PCDHA1: variants seen among roughly 807,000 people sequenced by gnomAD.
PCDHA1 encodes the protein protocadherin alpha 1, also known as protocadherin alpha-1.
In PCDHA1, 42 loss-of-function variants were observed where a neutral mutation model predicts 61.3. The ratio of observed to expected loss-of-function variants is 0.69; its 90% CI spans 0.54 to 0.89. The LOEUF is 0.89. Ranked by LOEUF, PCDHA1 falls within the 40% of genes least tolerant of loss-of-function variation. PCDHA1 has a pLI of 0.00. For missense variants in PCDHA1, 1,256 were observed against 1,235.3 expected (o/e 1.02, Z -0.25); for synonymous variants, 610 against 553.8 (o/e 1.10, Z -1.43).
chr5:140,926,953 C>T, intron 1 of PCDHA1: 1 of 1,596,706 alleles, frequency 6.3e-7, no homozygotes, highest in Non-Finnish European at 8.6e-7. Flanking sequence ...TGCAGCGGGA[C>T]AGCTCGAGTA....
At chr5:140,808,938 C>A (rs782653809) in intron 1 of PCDHA1, 1 of 1,613,692 alleles carries the variant, frequency 6.2e-7, no homozygotes, top group South Asian at 1.1e-5. Flanking sequence ...GTGCCATGGT[C>A]GGTGGGTGTG....
intron 1 of PCDHA1, chr5:140,852,195 C>T (rs2150513188): frequency 8.5e-6 from 6 of 709,164 alleles, no homozygotes; most frequent in African/African-American, 1.9e-5. Flanking sequence ...ATGCCAGTAA[C>T]GTTTATTTAA....
intron 1 of PCDHA1, among the ~76,000 whole-genome samples, chr5:140,886,716 C>T (rs1160663504): frequency 1.3e-5 from 2 of 151,034 alleles, no homozygotes; most frequent in Non-Finnish European, 2.9e-5. Flanking sequence ...ATCCCAGCTA[C>T]TTGGGAGGCT....
At chr5:140,829,189 T>A in intron 1 of PCDHA1, 1 of 1,614,208 alleles carries the variant, frequency 6.2e-7, no homozygotes, top group Non-Finnish European at 8.5e-7. Flanking sequence ...CTCAATTTGG[T>A]ACTGTCATCG....
intron 1 of PCDHA1, among the ~76,000 whole-genome samples, chr5:140,952,338 CAAAA>C (rs55931446): frequency 9.9e-4 from 134 of 134,976 alleles, no homozygotes; most frequent in Admixed American, 2.2e-3. Context: ...AACTCCATCT[CAAAA>C]AAAAAAAAAA....
chr5:140,856,112 G>A (rs782115498), intron 1 of PCDHA1: 1 of 1,598,078 alleles, frequency 6.3e-7, no homozygotes, highest in African/African-American at 1.3e-5. Flanking sequence ...TCTCCTCGCA[G>A]CCTGGGAGGT....
At chr5:140,816,136 A>C (rs1554126988) in intron 1 of PCDHA1, 1 of 152,158 alleles carries the variant, frequency 6.6e-6, no homozygotes, top group Non-Finnish European at 1.5e-5. Flanking sequence ...TGTCATAATG[A>C]GTAGAGCAGC....
intron 1 of PCDHA1, among the ~76,000 whole-genome samples, chr5:140,891,471 C>T (rs1239816606): frequency 6.6e-6 from 1 of 151,474 alleles, no homozygotes; most frequent in Non-Finnish European, 1.5e-5. Flanking sequence ...GAATTAATGC[C>T]TTTACATCAC....
chr5:140,852,738 C>A, intron 1 of PCDHA1: 1 of 983,624 alleles, frequency 1.0e-6, no homozygotes, highest in Non-Finnish European at 1.2e-6. Flanking sequence ...TTTCATGTGC[C>A]ATTTAAACTT....
rs2150393367 is a variant in PCDHA1, at chr5:140,846,648, A to T, written c.2394+57964A>T. 2.0e-5 allele frequency among the ~76,000 whole-genome samples: 3 copies of T among 149,386 alleles called. No individual in the cohort carries two copies. The South Asian group carries it at 6.4e-4, about 32-fold the overall frequency. On this transcript the variant is annotated intron_variant, in intron 1 of 3. Coordinates refer to ENST00000504120, the MANE Select transcript of PCDHA1 (RefSeq NM_018900.4). ...TTCGGCCTCCTAAAGTGCTGGGATT[A>T]CAGGCATGAGCCACCGCGCCCAGCC...
intron 1 of PCDHA1, chr5:140,853,623 A>G: frequency 1.0e-6 from 1 of 988,442 alleles, no homozygotes; most frequent in Non-Finnish European, 1.2e-6. Context: ...AAATAAGTAT[A>G]CAAGATCACA....
At chr5:140,921,958 A>G (rs155363) in intron 1 of PCDHA1, among the ~76,000 whole-genome samples, 87,659 of 151,706 alleles carry the variant, frequency 0.58, 26,267 homozygotes, top group African/African-American at 0.75. Flanking sequence ...AAATCCCAGA[A>G]AACCAAAGGA....
intron 1 of PCDHA1, chr5:140,870,988 G>T: frequency 6.2e-7 from 1 of 1,613,492 alleles, no homozygotes; most frequent in Non-Finnish European, 8.5e-7. Flanking sequence ...GTACACGGGC[G>T]AGATAAGCAC....
chr5:140,787,783 G>T lies in PCDHA1; in HGVS notation c.1493G>T (p.Arg498Leu), dbSNP rs948369994. The change falls in exon 1 of 4, where the codon CGG becomes CTG. Residue 498 changes from arginine to leucine, a missense_variant. Arg to Leu is a moderately radical substitution (Grantham distance 102). Transcript: ENST00000504120. ...GTGTCCTATTCGCTGGTGGAACGGC[G>T]GGTGGGCGAGCGCGCGCTGTCGAAC... ...ALVSYSLVER[R>L]VGERALSNYV... 1.2e-6 allele frequency: 2 copies of T among 1,612,696 alleles called. No homozygotes were observed. The highest frequency in any genetic ancestry group is 1.7e-6 in the Non-Finnish European group (2 of 1,179,808).
chr5:140,875,694 T>C, intron 1 of PCDHA1: 1 of 1,614,008 alleles, frequency 6.2e-7, no homozygotes, highest in South Asian at 1.1e-5. Flanking sequence ...ACGGGGACCT[T>C]CTGGAGGTAA....
intron 1 of PCDHA1, among the ~76,000 whole-genome samples, chr5:140,839,119 A>T (rs1433775897): frequency 1.3e-5 from 2 of 151,922 alleles, no homozygotes; most frequent in Non-Finnish European, 2.9e-5. Flanking sequence ...TTAAGCCATA[A>T]TATGTCATTC....
intron 1 of PCDHA1, chr5:140,848,467 A>C: frequency 6.5e-7 from 1 of 1,545,570 alleles, no homozygotes; most frequent in Non-Finnish European, 8.8e-7. Context: ...GGCAATTTTC[A>C]CTAATTAGAA....
chr5:140,852,638 T>C lies in PCDHA1; in HGVS notation c.2394+63954T>C. 5 of 960,950 alleles carry C rather than the reference T, an allele frequency of 5.2e-6. 1 individual carries two copies. Among genetic ancestry groups the C allele is most frequent in the Non-Finnish European group, 6.3e-6 (5 of 795,190 alleles). The allele number at this position is 960,950 out of a possible 1,614,324, so 59.5% of individuals were successfully genotyped here. On this transcript the variant is annotated intron_variant, in intron 1 of 3. Coordinates refer to ENST00000504120, the MANE Select transcript of PCDHA1 (RefSeq NM_018900.4). ...TTGAGTGGTCTCTGAGCTCCTGTCA[T>C]TAAACCTATCTATATCTGTCTATCA...
At chr5:140,857,234 C>A (rs781784109) in intron 1 of PCDHA1, 1 of 1,598,590 alleles carries the variant, frequency 6.3e-7, no homozygotes, top group South Asian at 1.1e-5. Context: ...TCCGTTCAAG[C>A]TGGTGTCCAC....
Sources: gnomAD v4.1 joint callset for allele counts (sites outside exome capture counted in the v4.1 genomes callset) on GRCh38, gnomAD v4.1.1 for gene constraint, MANE v1.5 for transcripts, NCBI Gene and HGNC (gene_info 2026-07-23, HGNC 2026-07-21) for gene names.